TRAPPC9: variants seen among roughly 807,000 people sequenced by gnomAD.
TRAPPC9 encodes IKK2 binding protein.
A neutral mutation model predicts 124.0 loss-of-function variants in TRAPPC9; 83 were observed. That is an observed-to-expected ratio of 0.67 (90% CI 0.56 to 0.80). The LOEUF (loss-of-function observed/expected upper bound fraction) is 0.80, where lower values mean the gene tolerates loss of function less well. TRAPPC9 is among the 30% of genes least tolerant of loss of function. TRAPPC9 has a pLI of 0.00. For synonymous variants in TRAPPC9, 638 were observed against 617.5 expected (o/e 1.03, Z -0.49); for missense variants, 1,302 against 1,508.3 (o/e 0.86, Z 2.27).
At chr8:140,048,606 G>A (rs1272145993) in intron 17 of TRAPPC9, among the ~76,000 whole-genome samples, 2 of 152,092 alleles carry the variant, frequency 1.3e-5, no homozygotes, top group African/African-American at 4.8e-5. Flanking sequence ...GGGTGCGGAG[G>A]GACAGGGTTT....
intron 21 of TRAPPC9, among the ~76,000 whole-genome samples, chr8:139,782,505 C>T (rs1437131707): frequency 1.3e-5 from 2 of 152,102 alleles, no homozygotes; most frequent in Non-Finnish European, 2.9e-5. Context: ...GGGGTCAATT[C>T]CTCAAAAAAT....
At position 140,451,014 on chromosome 8, in the gene TRAPPC9, C is replaced by G; in HGVS notation, c.360G>C (p.Leu120=). ...LYDSRLFVFG[L]QGEIVEQPRT... is the part of the protein sequence containing the mutation. The stretch of plus-strand genomic sequence containing the variant: ...GCGGCTGCTCCACGATCTCCCCCTG[C>G]AGCCCGAAGACAAAGAGCCGGGAGT... The change falls in exon 2 of 23, where the codon CTG becomes CTC. Residue 120 remains leucine (L), a synonymous_variant. Transcript: ENST00000438773. The G allele has an allele frequency of 7.4e-6, 12 of 1,614,136 alleles. No homozygotes were observed. The highest frequency in any genetic ancestry group is 1.0e-5 in the Non-Finnish European group (12 of 1,180,036).
intron 21 of TRAPPC9, among the ~76,000 whole-genome samples, chr8:139,814,314 C>T (rs759001065): frequency 1.3e-5 from 2 of 152,188 alleles, no homozygotes; most frequent in African/African-American, 4.8e-5. Context: ...GGAGACACGG[C>T]GATGAGAAGC....
At chr8:140,324,052 C>T (rs2066672510) in intron 9 of TRAPPC9, among the ~76,000 whole-genome samples, 1 of 152,140 alleles carries the variant, frequency 6.6e-6, no homozygotes, top group Non-Finnish European at 1.5e-5. Flanking sequence ...CCCCTCCCAC[C>T]CTTTCCCCGG....
chr8:140,428,977 T>C (rs1353879233), intron 4 of TRAPPC9, among the ~76,000 whole-genome samples: 1 of 152,152 alleles, frequency 6.6e-6, no homozygotes, highest in Non-Finnish European at 1.5e-5. Context: ...TATAGATGTA[T>C]ACATGGAACT....
intron 21 of TRAPPC9, among the ~76,000 whole-genome samples, chr8:139,873,571 G>T (rs761183390): frequency 2.6e-5 from 4 of 152,122 alleles, no homozygotes; most frequent in African/African-American, 4.8e-5. Flanking sequence ...CATCTGCCTG[G>T]ACACAGTCAC....
chr8:139,810,752 C>T (rs183745702), intron 21 of TRAPPC9, among the ~76,000 whole-genome samples: 1 of 152,246 alleles, frequency 6.6e-6, no homozygotes, highest in East Asian at 1.9e-4. Context: ...GGATGTGGCT[C>T]CCTGAATGCT....
chr8:139,870,929 T>C (rs1278967393), intron 21 of TRAPPC9, among the ~76,000 whole-genome samples: 2 of 152,234 alleles, frequency 1.3e-5, no homozygotes, highest in African/African-American at 4.8e-5. Context: ...ACTGATATTC[T>C]GAGGCTTTCC....
chr8:140,289,492 C>T (rs910742572), intron 12 of TRAPPC9, among the ~76,000 whole-genome samples: 1 of 152,046 alleles, frequency 6.6e-6, no homozygotes. Flanking sequence ...GGTGGAGATG[C>T]GAGTGTGTAC....
Position 139,742,032 on chromosome 8 carries a change from C to T in TRAPPC9, c.3056-9830G>A, listed in dbSNP as rs1225260686. On this transcript the variant is annotated intron_variant, in intron 21 of 22. Transcript: ENST00000438773. This position sits in a 1 kb window ranked among gnomAD's most constrained non-coding sequence, Gnocchi z 4.7. The stretch of plus-strand genomic sequence containing the variant: ...CAGGTTATTATTTCTCATGGGTGTA[C>T]ACCTGACAGCAGACTTGCTGGGTCA... Among the ~76,000 whole-genome samples the T allele has an allele frequency of 1.3e-5, 2 of 152,210 alleles. No homozygotes were observed. The highest frequency in any genetic ancestry group is 2.4e-5 in the African/African-American group (1 of 41,458).
intron 17 of TRAPPC9, among the ~76,000 whole-genome samples, chr8:140,148,884 A>C (rs534020227): frequency 1.1e-4 from 16 of 152,246 alleles, no homozygotes; most frequent in Non-Finnish European, 2.2e-4. Flanking sequence ...TGTTGTTGTA[A>C]TCTGTTCATA....
intron 21 of TRAPPC9, among the ~76,000 whole-genome samples, chr8:139,802,110 G>A (rs1823576924): frequency 6.6e-6 from 1 of 152,144 alleles, no homozygotes; most frequent in South Asian, 2.1e-4. Context: ...TCCACTCCCT[G>A]TTGTCCCACG....
intron 17 of TRAPPC9, among the ~76,000 whole-genome samples, chr8:140,024,401 CT>C (rs35795692): frequency 0.47 from 67,978 of 144,692 alleles, 15,838 homozygotes; most frequent in Middle Eastern, 0.64. Flanking sequence ...AATATGGTTT[CT>C]TTTTTTTTTT....
chr8:140,161,263 AG>A, intron 17 of TRAPPC9, among the ~76,000 whole-genome samples: 1 of 152,222 alleles, frequency 6.6e-6, no homozygotes, highest in South Asian at 2.1e-4. Flanking sequence ...AATTTTACAG[AG>A]GTAGAAGCTG....
intron 9 of TRAPPC9, 97 bp from the exon 10 acceptor site, chr8:140,311,471 G>A: frequency 1.4e-6 from 2 of 1,431,498 alleles, no homozygotes; most frequent in South Asian, 1.2e-5. Flanking sequence ...AGTCCAGTGA[G>A]TCCAATCTTC....
Position 140,253,897 on chromosome 8 carries a change from T to C in TRAPPC9, c.2279-968A>G, listed in dbSNP as rs527528948. Among the ~76,000 whole-genome samples, 4 of 152,222 alleles carry C rather than the reference T, an allele frequency of 2.6e-5. No individual in the cohort carries two copies. The South Asian group carries it at 8.3e-4, about 32-fold the overall frequency. On this transcript the variant is annotated intron_variant, in intron 15 of 22. Transcript: ENST00000438773. ...ATCCCTTGGAGTCAAGGTTTCTTCG[T>C]GTGTAAAATGGGGATAACAATTACT...
intron 16 of TRAPPC9, among the ~76,000 whole-genome samples, chr8:140,235,255 G>A (rs2063705935): frequency 6.6e-6 from 1 of 152,166 alleles, no homozygotes; most frequent in Non-Finnish European, 1.5e-5. Context: ...TTACAGGCGT[G>A]AGCCACCATG....
intron 19 of TRAPPC9, among the ~76,000 whole-genome samples, chr8:139,918,425 G>A (rs1292837376): frequency 1.3e-5 from 2 of 152,242 alleles, no homozygotes; most frequent in African/African-American, 2.4e-5. Flanking sequence ...TTATGCTTAC[G>A]GAGATCCTAT....
In TRAPPC9 at chr8:139,825,416, C is replaced by T. The variant is rs189212347; in HGVS notation, c.3055+60463G>A. ...CATGGCTGTGCAGGATAAGGAATGA[C>T]GGGCTGTGGGCCCAGGAAGTGCTTC... is the stretch of plus-strand genomic sequence containing the variant. On this transcript the variant is annotated intron_variant, in intron 21 of 22. Transcript: ENST00000438773. This position sits in a 1 kb window ranked among gnomAD's most constrained non-coding sequence, Gnocchi z 4.6. Among the ~76,000 whole-genome samples, 41 of 152,268 alleles carry T rather than the reference C, an allele frequency of 2.7e-4. No individual in the cohort carries two copies. The East Asian group carries it at 6.4e-3, about 24-fold the overall frequency.
Sources: allele counts gnomAD v4.1 joint callset (sites outside exome capture counted in the v4.1 genomes callset), GRCh38; gene constraint gnomAD v4.1.1; non-coding constraint Gnocchi (gnomAD v3.1); transcripts MANE v1.5; gene names NCBI Gene and HGNC (gene_info 2026-07-23, HGNC 2026-07-21).